PATJ: variants seen among roughly 807,000 people sequenced by gnomAD.
PATJ encodes the protein PATJ crumbs cell polarity complex component.
PATJ carries 190 observed loss-of-function variants against 224.9 expected under a neutral mutation model. The observed-to-expected ratio is 0.84, with a 90% CI of 0.75 to 0.95. The LOEUF is 0.95. Among genes scored for constraint, PATJ ranks in the 40% least tolerant of loss-of-function variants. The pLI, the probability that PATJ is intolerant of heterozygous loss-of-function variation, is 0.00. For missense variants in PATJ, 2,121 were observed against 2,270.3 expected (o/e 0.93, Z 1.34); for synonymous variants, 769 against 820.3 (o/e 0.94, Z 1.07).
Position 61,801,688 on chromosome 1 carries a change from A to C in PATJ, c.1468A>C (p.Asn490His). The C allele has an allele frequency of 6.2e-7, 1 of 1,601,404 alleles. No homozygotes were observed. The highest frequency in any genetic ancestry group is 2.2e-5 in the East Asian group (1 of 44,722). The change falls in exon 12 of 44, where the codon AAT becomes CAT. Residue 490 changes from asparagine to histidine, a missense_variant. Coordinates refer to ENST00000642238, the MANE Select transcript of PATJ (RefSeq NM_001350145.3). ...FLTGAVETET[N>H]VDGEDEEIKE... Reference sequence around the variant, plus strand: ...AACTGGAGCAGTGGAAACTGAAACTAATGTGGATGGTGAAGATGAGGAAAT... The same window carrying C: ...AACTGGAGCAGTGGAAACTGAAACTCATGTGGATGGTGAAGATGAGGAAAT...
In PATJ at chr1:62,001,878, TCTC is replaced by T. The variant is rs765240914; in HGVS notation, c.3867+11517_3867+11519del. Reference sequence around the variant, plus strand: ...ATTTCATTGAGCAGTGGTTTGTAGTTCTCCTTGATGAGGTCCTTCACAAAAACT... The same window carrying T: ...ATTTCATTGAGCAGTGGTTTGTAGTTCTTGATGAGGTCCTTCACAAAAACT... On this transcript the variant is annotated intron_variant, in intron 28 of 43. Transcript: ENST00000642238. Among the ~76,000 whole-genome samples the T allele has an allele frequency of 2.6e-5, 4 of 152,210 alleles. No homozygotes were observed. The South Asian group carries it at 6.2e-4, about 24-fold the overall frequency.
At chr1:62,148,862 C>CT (rs1385732547) in intron 42 of PATJ, among the ~76,000 whole-genome samples, 2 of 152,138 alleles carry the variant, frequency 1.3e-5, no homozygotes, top group African/African-American at 4.8e-5. Context: ...CTCAGTGGCT[C>CT]ATGCCTGTAA....
chr1:61,753,981 A>G (rs771378603), intron 1 of PATJ, among the ~76,000 whole-genome samples: 2 of 152,206 alleles, frequency 1.3e-5, no homozygotes, highest in Admixed American at 6.5e-5. Flanking sequence ...AAAAAGCCAC[A>G]ATATTATAAT....
At chr1:62,105,866 T>C (rs1199243100) in intron 33 of PATJ, among the ~76,000 whole-genome samples, 1 of 151,442 alleles carries the variant, frequency 6.6e-6, no homozygotes, top group Non-Finnish European at 1.5e-5. Context: ...TGTTTTCTTT[T>C]GTTGCTTCTC....
chr1:61,926,768 T>C (rs1675269250), intron 26 of PATJ, among the ~76,000 whole-genome samples: 1 of 152,238 alleles, frequency 6.6e-6, no homozygotes, highest in South Asian at 2.1e-4. Flanking sequence ...GACTCTCAAA[T>C]AGTATTTTCT....
intron 4 of PATJ, among the ~76,000 whole-genome samples, chr1:61,767,601 G>A (rs1190515326): frequency 1.3e-5 from 2 of 151,846 alleles, no homozygotes; most frequent in Non-Finnish European, 2.9e-5. Flanking sequence ...TCTGTTTAAG[G>A]TGTGATAATT....
rs894418255 is a variant in PATJ, at chr1:61,757,441, G to A, written c.-35-5417G>A. Among the ~76,000 whole-genome samples, 4 of 152,100 alleles carry A rather than the reference G, an allele frequency of 2.6e-5. No individual in the cohort carries two copies. The East Asian group carries it at 7.7e-4, about 29-fold the overall frequency. Reference sequence around the variant, plus strand: ...ATGCTGTCACCCAGGCTGGAGTGCAGTGGTGCTATCTCGGCTCACTGCAGC... The same window carrying A: ...ATGCTGTCACCCAGGCTGGAGTGCAATGGTGCTATCTCGGCTCACTGCAGC... On this transcript the variant is annotated intron_variant, in intron 1 of 43. Coordinates refer to ENST00000642238, the MANE Select transcript of PATJ (RefSeq NM_001350145.3).
At chr1:61,884,030 C>A (rs565822823) in intron 21 of PATJ, among the ~76,000 whole-genome samples, 40 of 152,098 alleles carry the variant, frequency 2.6e-4, no homozygotes, top group Admixed American at 7.9e-4. Flanking sequence ...TTCTGTTGAA[C>A]AATTCCTATA....
intron 29 of PATJ, among the ~76,000 whole-genome samples, chr1:62,031,627 GAGA>G (rs1485417605): frequency 1.3e-5 from 2 of 152,174 alleles, no homozygotes; most frequent in African/African-American, 4.8e-5. Flanking sequence ...GCGTATATGA[GAGA>G]AGGAGACATC....
chr1:62,115,594 C>T (rs1242037769), intron 35 of PATJ, among the ~76,000 whole-genome samples: 1 of 149,470 alleles, frequency 6.7e-6, no homozygotes, highest in Non-Finnish European at 1.5e-5. Context: ...CAAAGCCTAG[C>T]TTCCATGGTT....
intron 12 of PATJ, among the ~76,000 whole-genome samples, chr1:61,802,537 C>T (rs1032664239): frequency 2.0e-5 from 3 of 152,032 alleles, no homozygotes; most frequent in Non-Finnish European, 4.4e-5. Flanking sequence ...CTTTGGCCCC[C>T]CAAAGTGCTG....
intron 17 of PATJ, among the ~76,000 whole-genome samples, chr1:61,854,057 T>C (rs1165517660): frequency 6.6e-6 from 1 of 152,182 alleles, no homozygotes; most frequent in African/African-American, 2.4e-5. Flanking sequence ...TTCCATGCAG[T>C]ACTTTGAAAA....
intron 1 of PATJ, among the ~76,000 whole-genome samples, chr1:61,743,086 A>T (rs1644845607): frequency 6.6e-6 from 1 of 152,080 alleles, no homozygotes; most frequent in Non-Finnish European, 1.5e-5. Flanking sequence ...GGGTGCTCAG[A>T]GCCGGGCTGA....
chr1:61,904,852 A>G (rs894229109), intron 24 of PATJ, among the ~76,000 whole-genome samples: 3 of 152,216 alleles, frequency 2.0e-5, no homozygotes, highest in Non-Finnish European at 4.4e-5. Flanking sequence ...ATTATGCATT[A>G]TGTATTTTTT....
At chr1:62,022,059 C>T (rs993730261) in intron 29 of PATJ, among the ~76,000 whole-genome samples, 1 of 151,984 alleles carries the variant, frequency 6.6e-6, no homozygotes, top group Non-Finnish European at 1.5e-5. Context: ...AATGTATTGA[C>T]AATTGAGATG....
intron 33 of PATJ, among the ~76,000 whole-genome samples, chr1:62,101,223 G>A (rs1662115032): frequency 6.6e-6 from 1 of 151,152 alleles, no homozygotes; most frequent in South Asian, 2.1e-4. Context: ...ACTCTCTTAG[G>A]AATGGAGACG....
chr1:62,037,990 G>A lies in PATJ; in HGVS notation c.3973G>A (p.Val1325Ile). The A allele has an allele frequency of 6.2e-7, 1 of 1,604,974 alleles. No individual in the cohort carries two copies. Among genetic ancestry groups the A allele is most frequent in the Non-Finnish European group, 8.5e-7 (1 of 1,174,814 alleles). ...AACACTTCACAGAAACGAGGATGCA[G>A]TCAATCAGATGGCCGTTACTCCCTT... ...KLVFIRNEDAVNQMAVTPFPV... is the reference protein window; with the variant it reads ...KLVFIRNEDAINQMAVTPFPV... The change falls in exon 30 of 44, where the codon GTC (valine) becomes ATC (isoleucine). Residue 1325 changes from valine (V) to isoleucine (I), a missense_variant. Val to Ile is a conservative substitution (Grantham distance 29). Coordinates refer to ENST00000642238, the MANE Select transcript of PATJ (RefSeq NM_001350145.3).
At chr1:61,969,402 T>C (rs1417824508) in intron 27 of PATJ, among the ~76,000 whole-genome samples, 1 of 152,218 alleles carries the variant, frequency 6.6e-6, no homozygotes, top group Non-Finnish European at 1.5e-5. Context: ...TTGCTGGTTT[T>C]TTGGTAGTAG....
rs528143866 is a variant in PATJ, at chr1:61,816,083, TA to T, written c.1684-6860del. Among the ~76,000 whole-genome samples, 636 of 152,276 alleles carry T rather than the reference TA, an allele frequency of 4.2e-3. 2 individuals carry two copies. The highest frequency in any genetic ancestry group is 0.014 in the Middle Eastern group (4 of 294). On this transcript the variant is annotated intron_variant, in intron 14 of 43. Coordinates refer to ENST00000642238, the MANE Select transcript of PATJ (RefSeq NM_001350145.3). ...TTTTGACAAAAAAAGTTGACAAATT[TA>T]ACTTTATTTCTCTCTTGAGTTATAT...
Sources: allele counts gnomAD v4.1 joint callset (sites outside exome capture counted in the v4.1 genomes callset), GRCh38; gene constraint gnomAD v4.1.1; transcripts MANE v1.5; gene names NCBI Gene and HGNC (gene_info 2026-07-23, HGNC 2026-07-21).